CALCRL: variants seen among roughly 807,000 people sequenced by gnomAD.
CALCRL encodes the protein calcitonin gene-related peptide type 1 receptor.
In CALCRL, 27 loss-of-function variants were observed where a neutral mutation model predicts 60.4. The observed-to-expected ratio is 0.45, with a 90% confidence interval of 0.33 to 0.62. The LOEUF (loss-of-function observed/expected upper bound fraction) is 0.62, where lower values mean the gene tolerates loss of function less well. Among genes scored for constraint, CALCRL ranks in the 20% least tolerant of loss-of-function variants. CALCRL has a pLI of 0.03. For missense variants in CALCRL, 424 were observed against 540.7 expected, an observed-to-expected ratio of 0.78 and a Z score of 2.14; for synonymous variants, 190 against 182.6, an observed-to-expected ratio of 1.04 and a Z score of -0.33.
chr2:187,435,032 C>T (rs534278536), intron 1 of CALCRL, among the ~76,000 whole-genome samples: 8 of 152,142 alleles, frequency 5.3e-5, no homozygotes, highest in Non-Finnish European at 1.0e-4. Context: ...CAGGGAAGAA[C>T]ATGATGGACA....
chr2:187,369,106 A>G (rs1430999993), intron 8 of CALCRL, among the ~76,000 whole-genome samples: 1 of 152,164 alleles, frequency 6.6e-6, no homozygotes, highest in Non-Finnish European at 1.5e-5. Flanking sequence ...CTCTTCCTCC[A>G]TTATGCTCCC....
intron 1 of CALCRL, among the ~76,000 whole-genome samples, chr2:187,434,707 C>T (rs1006185050): frequency 6.6e-6 from 1 of 152,084 alleles, no homozygotes; most frequent in Non-Finnish European, 1.5e-5. Flanking sequence ...TCCAGATGTT[C>T]CTCAGCAGGA....
intron 10 of CALCRL, 77 bp from the exon 11 acceptor site, chr2:187,359,349 C>G: frequency 9.5e-7 from 1 of 1,052,274 alleles, no homozygotes; most frequent in Non-Finnish European, 1.4e-6. Flanking sequence ...TAATTAAATA[C>G]AAAAATTCAA....
chr2:187,380,374 A>G lies in CALCRL; in HGVS notation c.408+93T>C, dbSNP rs551469504. On this transcript the variant is annotated intron_variant, in intron 7 of 14. Transcript: ENST00000392370. Reference sequence around the variant, plus strand: ...TGAAAAGGCTTTATAAGGGAATGGAATAATGACTTTATTTTCTTTAATACA... The same window carrying G: ...TGAAAAGGCTTTATAAGGGAATGGAGTAATGACTTTATTTTCTTTAATACA... The G allele has an allele frequency of 9.4e-5, 66 of 698,514 alleles. No individual in the cohort carries two copies. In the South Asian group the frequency reaches 1.2e-3, roughly 12 times the overall value. 43.3% of individuals were successfully genotyped at this position (698,514 alleles called of 1,614,324 possible).
At chr2:187,373,802 C>T (rs1405595981) in intron 8 of CALCRL, among the ~76,000 whole-genome samples, 5 of 152,104 alleles carry the variant, frequency 3.3e-5, no homozygotes, top group African/African-American at 9.7e-5. Context: ...AATGAAAGAA[C>T]ATGTTCCACG....
rs1686233022 is a variant in CALCRL at position 187,345,384 on chromosome 2, A to T, written c.*800T>A. 1 of 152,270 alleles carries T rather than the reference A, an allele frequency of 6.6e-6. No individual in the cohort carries two copies. The highest frequency in any genetic ancestry group is 2.1e-4 in the South Asian group (1 of 4,830). 9.4% of individuals were successfully genotyped at this position (152,270 alleles called of 1,614,324 possible). On this transcript the variant is annotated 3_prime_UTR_variant, in exon 15 of 15. Transcript: ENST00000392370. ...TAGAAATGGAAGGGACAAAATTTAT[A>T]TTTACAGCTAGGAATTCCCTCCCAC...
chr2:187,429,192 C>T (rs1418363715), intron 1 of CALCRL, among the ~76,000 whole-genome samples: 2 of 150,946 alleles, frequency 1.3e-5, no homozygotes, highest in Non-Finnish European at 3.0e-5. Flanking sequence ...TTTTTTATTT[C>T]CCACTTCTTA....
chr2:187,349,579 G>A (rs1035784502), intron 14 of CALCRL, among the ~76,000 whole-genome samples: 2 of 151,598 alleles, frequency 1.3e-5, no homozygotes, highest in African/African-American at 4.8e-5. Flanking sequence ...CTGAAACAGG[G>A]ATTGTATCTC....
intron 7 of CALCRL, 25 bp from the exon 8 acceptor site, chr2:187,379,056 T>A (rs1265383966): frequency 3.6e-6 from 5 of 1,393,822 alleles, no homozygotes; most frequent in African/African-American, 2.8e-5. Context: ...AACAAAAAAA[T>A]TTGGTTCATA....
chr2:187,429,731 C>T (rs1226825129), intron 1 of CALCRL, among the ~76,000 whole-genome samples: 1 of 152,168 alleles, frequency 6.6e-6, no homozygotes, highest in African/African-American at 2.4e-5. Flanking sequence ...ACTCAAAAGG[C>T]AGCCATTAAC....
chr2:187,349,585 A>G (rs1686437458), intron 14 of CALCRL, among the ~76,000 whole-genome samples: 1 of 151,696 alleles, frequency 6.6e-6, no homozygotes, highest in African/African-American at 2.4e-5. Flanking sequence ...CAGGGATTGT[A>G]TCTCCAGAGA....
chr2:187,432,742 TAC>T (rs905398390), intron 1 of CALCRL, among the ~76,000 whole-genome samples: 2 of 152,128 alleles, frequency 1.3e-5, no homozygotes, highest in Non-Finnish European at 2.9e-5. Context: ...AGTCTGCATA[TAC>T]AGTCAACACA....
At chr2:187,357,046 A>G (rs768936845) in intron 12 of CALCRL, among the ~76,000 whole-genome samples, 7 of 152,114 alleles carry the variant, frequency 4.6e-5, no homozygotes, top group African/African-American at 1.2e-4. Context: ...CACTTTTACA[A>G]TGTTGGTGGG....
intron 1 of CALCRL, among the ~76,000 whole-genome samples, chr2:187,399,535 T>C (rs1052041814): frequency 1.3e-5 from 2 of 151,532 alleles, no homozygotes; most frequent in Non-Finnish European, 3.0e-5. Context: ...GTTCAAAGTA[T>C]ACTATCAAGA....
At chr2:187,359,386 C>A in intron 10 of CALCRL, 114 bp from the exon 11 acceptor site, 1 of 665,610 alleles carries the variant, frequency 1.5e-6, no homozygotes. Context: ...AAAAAACTAG[C>A]CACTATATAT....
At chr2:187,404,952 C>T (rs1036680986) in intron 1 of CALCRL, among the ~76,000 whole-genome samples, 3 of 151,874 alleles carry the variant, frequency 2.0e-5, no homozygotes, top group African/African-American at 7.2e-5. Flanking sequence ...ACAGGTTTCA[C>T]ACGGAGCGAC....
chr2:187,404,504 A>T (rs897529068), intron 1 of CALCRL, among the ~76,000 whole-genome samples: 11 of 145,346 alleles, frequency 7.6e-5, no homozygotes, highest in African/African-American at 2.0e-4. Flanking sequence ...ACTTTTATTT[A>T]TTTTTTTTTT....
At chr2:187,396,400 C>G (rs1031049473) in intron 1 of CALCRL, among the ~76,000 whole-genome samples, 1 of 151,688 alleles carries the variant, frequency 6.6e-6, no homozygotes, top group Non-Finnish European at 1.5e-5. Flanking sequence ...GTACCCTAAG[C>G]TAAACTTATT....
chr2:187,364,011 A>G (rs1467606112), intron 8 of CALCRL, among the ~76,000 whole-genome samples: 2 of 152,202 alleles, frequency 1.3e-5, no homozygotes, highest in East Asian at 1.9e-4. Context: ...ATAACAAAGT[A>G]CTCAGAATAG....
Sources: gnomAD v4.1 joint callset for allele counts (sites outside exome capture counted in the v4.1 genomes callset) on GRCh38, gnomAD v4.1.1 for gene constraint, MANE v1.5 for transcripts, NCBI Gene and HGNC (gene_info 2026-07-23, HGNC 2026-07-21) for gene names.